SNRPE: variants seen among roughly 807,000 people sequenced by gnomAD.
The protein encoded by SNRPE is small nuclear ribonucleoprotein E.
For synonymous variants in SNRPE, 35 were observed against 36.7 expected, an observed-to-expected ratio of 0.95 and a Z score of 0.17; for missense variants, 53 against 111.6, an observed-to-expected ratio of 0.48 and a Z score of 2.36.
intron 4 of SNRPE, among the ~76,000 whole-genome samples, chr1:203,869,191 T>C (rs1337577952): frequency 6.6e-6 from 1 of 151,900 alleles, no homozygotes; most frequent in Non-Finnish European, 1.5e-5. Context: ...TGAACACCAG[T>C]GTTCCTGAAG....
intron 3 of SNRPE, among the ~76,000 whole-genome samples, chr1:203,864,461 C>T (rs1341806471): frequency 6.6e-6 from 1 of 151,038 alleles, no homozygotes; most frequent in Non-Finnish European, 1.5e-5. Flanking sequence ...AGTTGGGGTC[C>T]GGCTCTGTCA....
chr1:203,867,223 T>C (rs1394711414), intron 4 of SNRPE, among the ~76,000 whole-genome samples: 1 of 149,716 alleles, frequency 6.7e-6, no homozygotes, highest in African/African-American at 2.5e-5. Flanking sequence ...GAGCTTGCAG[T>C]GAGCTGAGAT....
At chr1:203,866,399 C>T (rs1420205090) in intron 4 of SNRPE, among the ~76,000 whole-genome samples, 1 of 152,210 alleles carries the variant, frequency 6.6e-6, no homozygotes, top group Non-Finnish European at 1.5e-5. Context: ...CTAGGCCCTC[C>T]TGTCATTCAG....
chr1:203,865,397 A>G (rs1690066114), intron 4 of SNRPE, among the ~76,000 whole-genome samples: 1 of 152,160 alleles, frequency 6.6e-6, no homozygotes, highest in Non-Finnish European at 1.5e-5. Context: ...TCTCAACAGC[A>G]TTTGGCACTG....
At chr1:203,864,743 G>T (rs1228618556) in intron 3 of SNRPE, among the ~76,000 whole-genome samples, 3 of 152,024 alleles carry the variant, frequency 2.0e-5, no homozygotes, top group African/African-American at 7.2e-5. Flanking sequence ...CAGGCATGGT[G>T]GTGCGCCCTG....
chr1:203,866,980 G>A (rs561338499), intron 4 of SNRPE, among the ~76,000 whole-genome samples: 13 of 151,408 alleles, frequency 8.6e-5, no homozygotes, highest in African/African-American at 1.9e-4. Flanking sequence ...TTAAGACAGC[G>A]GTCCCCTAGG....
chr1:203,869,846 T>C (rs756279416), intron 4 of SNRPE, 31 bp from the exon 5 acceptor site: 1 of 1,547,622 alleles, frequency 6.5e-7, no homozygotes, highest in Non-Finnish European at 8.9e-7. Context: ...TGTGTGGCTA[T>C]TAATAGCTTT....
At chr1:203,864,090 G>A (rs1690036707) in intron 3 of SNRPE, among the ~76,000 whole-genome samples, 1 of 151,940 alleles carries the variant, frequency 6.6e-6, no homozygotes, top group Admixed American at 6.6e-5. Flanking sequence ...AAGTAGCTAG[G>A]ATCAGAAGCG....
intron 4 of SNRPE, among the ~76,000 whole-genome samples, chr1:203,869,289 CTTTTTTTTTTT>C (rs564988259): frequency 4.3e-4 from 29 of 66,810 alleles, no homozygotes; most frequent in South Asian, 1.4e-3. Context: ...AGGATGGAGT[CTTTTTTTTTTT>C]TTTTTTTTTT....
intron 1 of SNRPE, 76 bp from the exon 2 acceptor site, chr1:203,862,120 A>T: frequency 8.7e-7 from 1 of 1,147,872 alleles, no homozygotes; most frequent in Non-Finnish European, 1.3e-6. Flanking sequence ...GTGAGACGGG[A>T]ATAGCGTCGT....
At chr1:203,862,089 CCT>C (rs1689989575) in intron 1 of SNRPE, 105 bp from the exon 2 acceptor site, 1 of 871,710 alleles carries the variant, frequency 1.1e-6, no homozygotes, top group Non-Finnish European at 1.9e-6. Context: ...AAGCACCAGA[CCT>C]CGCGTTTAGT....
At chr1:203,862,115 A>G in intron 1 of SNRPE, 81 bp from the exon 2 acceptor site, 1 of 1,116,030 alleles carries the variant, frequency 9.0e-7, no homozygotes, top group Admixed American at 1.7e-5. Flanking sequence ...CAAAGGTGAG[A>G]CGGGAATAGC....
In SNRPE at chr1:203,870,145, C is replaced by T. The variant is rs2298870; in HGVS notation, c.*213C>T. On this transcript the variant is annotated 3_prime_UTR_variant, in exon 5 of 5. Coordinates refer to ENST00000414487, the MANE Select transcript of SNRPE (RefSeq NM_003094.4). ...TTTTACACAGTAACACCATTCGTTG[C>T]TGGTATTTAGTTTTCTGAAGGGTCG... The T allele has an allele frequency of 0.76, 309,711 of 405,752 alleles. 118,754 individuals carry two copies. The highest frequency in any genetic ancestry group is 0.78 in the Admixed American group (16,968 of 21,846). The allele number at this position is 405,752 out of a possible 1,614,324, so 25.1% of individuals were successfully genotyped here. A position where few individuals can be genotyped will look rare whatever the true frequency, so the allele number is the denominator to read the frequency against.
intron 4 of SNRPE, among the ~76,000 whole-genome samples, chr1:203,867,641 G>T (rs1690120660): frequency 6.6e-6 from 1 of 152,072 alleles, no homozygotes; most frequent in African/African-American, 2.4e-5. Context: ...AGAATCTAAG[G>T]CTTCCACTGA....
chr1:203,868,675 A>T (rs1690145241), intron 4 of SNRPE, among the ~76,000 whole-genome samples: 1 of 151,532 alleles, frequency 6.6e-6, no homozygotes, highest in East Asian at 1.9e-4. Context: ...TTATTTATTT[A>T]TTTATTTTTT....
intron 2 of SNRPE, 74 bp from the exon 3 acceptor site, chr1:203,863,589 G>T: frequency 9.9e-7 from 1 of 1,006,024 alleles, no homozygotes; most frequent in Non-Finnish European, 1.6e-6. Flanking sequence ...AAAGTGCTGG[G>T]ATTACAGGCG....
chr1:203,861,947 G>A, intron 1 of SNRPE: 2 of 611,698 alleles, frequency 3.3e-6, no homozygotes, highest in Non-Finnish European at 2.9e-6. Flanking sequence ...GGAGGGAAGA[G>A]AACTTCAGGT....
At position 203,870,745 on chromosome 1, in the gene SNRPE, G is replaced by T. The variant is rs1305956438; in HGVS notation, c.*813G>T. 1.3e-5 allele frequency among the ~76,000 whole-genome samples: 2 copies of T among 152,188 alleles called. No homozygotes were observed. Among genetic ancestry groups the T allele is most frequent in the Non-Finnish European group, 1.5e-5 (1 of 68,040 alleles). ...TCCCCCAGTATCGCACATGGTTCTA[G>T]TTAGAATCCTGTTAGATAGTGAGCA... On this transcript the variant is annotated 3_prime_UTR_variant, in exon 5 of 5. Transcript: ENST00000414487.
chr1:203,862,238 G>C lies in SNRPE; in HGVS notation c.81+16G>C. On this transcript the variant is annotated intron_variant, in intron 2 of 4. Coordinates refer to ENST00000414487, the MANE Select transcript of SNRPE (RefSeq NM_003094.4). ...CTTACAAAATGTACGTAAGTTGCTT[G>C]TTTCGTAACTACTTTTTAAATAAGA... is the stretch of plus-strand genomic sequence containing the variant. The C allele has an allele frequency of 6.3e-7, 1 of 1,579,200 alleles. No homozygotes were observed.
Sources: gnomAD v4.1 joint callset for allele counts (sites outside exome capture counted in the v4.1 genomes callset) on GRCh38, gnomAD v4.1.1 for gene constraint, MANE v1.5 for transcripts, NCBI Gene and HGNC (gene_info 2026-07-23, HGNC 2026-07-21) for gene names.